Variants in RIOK3 observed in about 807,000 individuals in gnomAD.
RIOK3 encodes RIO kinase 3.
Under a neutral mutation model 63.5 loss-of-function variants are expected in RIOK3, and 40 were observed. That is an observed-to-expected ratio of 0.63 (90% CI 0.49 to 0.82). The LOEUF (loss-of-function observed/expected upper bound fraction) is 0.82, where lower values mean the gene tolerates loss of function less well. Ranked by LOEUF, RIOK3 falls within the 40% of genes least tolerant of loss-of-function variation. The pLI, the probability that RIOK3 is intolerant of heterozygous loss-of-function variation, is 0.00. For synonymous variants in RIOK3, 193 were observed against 205.0 expected (o/e 0.94, Z 0.50); for missense variants, 557 against 637.0 (o/e 0.87, Z 1.35).
At chr18:23,474,301 G>A (rs1234431927) in intron 8 of RIOK3, among the ~76,000 whole-genome samples, 1 of 152,090 alleles carries the variant, frequency 6.6e-6, no homozygotes, top group Non-Finnish European at 1.5e-5. Flanking sequence ...GCTGAGATGG[G>A]AGGACTGCTT....
intron 5 of RIOK3, among the ~76,000 whole-genome samples, chr18:23,465,184 C>T (rs1291318333): frequency 1.3e-5 from 2 of 152,038 alleles, no homozygotes; most frequent in East Asian, 3.9e-4. Flanking sequence ...CCAGCCTGAC[C>T]AACATGGAAA....
chr18:23,460,527 ATTG>A (rs1158309209), intron 1 of RIOK3, among the ~76,000 whole-genome samples: 4 of 152,172 alleles, frequency 2.6e-5, no homozygotes, highest in Non-Finnish European at 5.9e-5. Flanking sequence ...CAACTACTCA[ATTG>A]TTGTGTGATT....
Position 23,482,068 on chromosome 18 carries a change from A to G in RIOK3, c.*789A>G, listed in dbSNP as rs1160133078. 6.6e-6 allele frequency: 1 copy of G among 152,252 alleles called. No individual in the cohort carries two copies. Among genetic ancestry groups the G allele is most frequent in the South Asian group, 2.1e-4 (1 of 4,826 alleles). The allele number at this position is 152,252 out of a possible 1,614,324, so 9.4% of individuals were successfully genotyped here. On this transcript the variant is annotated 3_prime_UTR_variant, in exon 13 of 13. Coordinates refer to ENST00000339486, the MANE Select transcript of RIOK3 (RefSeq NM_003831.5). Reference sequence around the variant, plus strand: ...AATGTAAATTATCTGAAAGGACAGAATATAAGATTTAACCATGTTTGACGT... The same window carrying G: ...AATGTAAATTATCTGAAAGGACAGAGTATAAGATTTAACCATGTTTGACGT...
intron 1 of RIOK3, among the ~76,000 whole-genome samples, chr18:23,462,154 T>TC (rs1351059538): frequency 2.7e-5 from 4 of 148,348 alleles, no homozygotes; most frequent in Non-Finnish European, 6.0e-5. Flanking sequence ...TTTTTTTTTT[T>TC]TTTGGCAGGG....
intron 1 of RIOK3, 37 bp from the exon 2 acceptor site, chr18:23,462,927 A>G (rs768143230): frequency 2.9e-5 from 26 of 907,680 alleles, no homozygotes; most frequent in Non-Finnish European, 3.6e-5. Context: ...TTATTTCATT[A>G]TGATGAATTG....
At chr18:23,471,544 T>C (rs541528447) in intron 7 of RIOK3, among the ~76,000 whole-genome samples, 1 of 152,238 alleles carries the variant, frequency 6.6e-6, no homozygotes, top group South Asian at 2.1e-4. Context: ...GATTGCTGTG[T>C]GGAAAATGAA....
chr18:23,481,068 A>C, intron 12 of RIOK3, 104 bp from the exon 13 acceptor site: 1 of 753,154 alleles, frequency 1.3e-6, no homozygotes, highest in East Asian at 2.7e-5. Context: ...CGACAGAGTG[A>C]GACTCCATCT....
intron 6 of RIOK3, among the ~76,000 whole-genome samples, 174 bp downstream of exon 6, chr18:23,466,450 T>G (rs1598808245): frequency 6.6e-6 from 1 of 152,092 alleles, no homozygotes; most frequent in Non-Finnish European, 1.5e-5. Context: ...CCCACTACTT[T>G]GGGATAGCAG....
At position 23,458,214 on chromosome 18, in the gene RIOK3, A is replaced by T. The variant is rs985858094; in HGVS notation, c.63+4712A>T. 1.2e-4 allele frequency among the ~76,000 whole-genome samples: 18 copies of T among 151,874 alleles called. No homozygotes were observed. The East Asian group carries it at 3.5e-3, about 29-fold the overall frequency. ...GCCACTGCCCCCGGCTGCTGTTTTT[A>T]ATTTTACTTGATTCTTTACCCATAA... On this transcript the variant is annotated intron_variant, in intron 1 of 12. Coordinates refer to ENST00000339486, the MANE Select transcript of RIOK3 (RefSeq NM_003831.5).
intron 9 of RIOK3, among the ~76,000 whole-genome samples, chr18:23,475,496 G>A (rs1387517467): frequency 2.1e-5 from 3 of 143,750 alleles, no homozygotes; most frequent in African/African-American, 8.1e-5. Flanking sequence ...AATTAGCTGG[G>A]CACACACCTG....
chr18:23,481,441 AG>A lies in RIOK3; in HGVS notation c.*163del. The A allele has an allele frequency of 1.9e-6, 1 of 523,838 alleles. No homozygotes were observed. The highest frequency in any genetic ancestry group is 3.3e-6 in the Non-Finnish European group (1 of 298,976). 32.4% of individuals were successfully genotyped at this position (523,838 alleles called of 1,614,324 possible). ...CATGTGCCAGATGTGTGGAATTTTT[AG>A]CTCAGCATTGAGAGAATAAAATGTC... On this transcript the variant is annotated 3_prime_UTR_variant, in exon 13 of 13. Coordinates refer to ENST00000339486, the MANE Select transcript of RIOK3 (RefSeq NM_003831.5).
chr18:23,467,182 C>T (rs925169742), intron 6 of RIOK3, among the ~76,000 whole-genome samples: 3 of 151,728 alleles, frequency 2.0e-5, no homozygotes, highest in Non-Finnish European at 1.5e-5. Context: ...GGTGTGGTGG[C>T]GGGCGCCTGT....
intron 12 of RIOK3, 50 bp from the exon 13 acceptor site, chr18:23,481,122 C>T: frequency 7.6e-7 from 1 of 1,323,068 alleles, no homozygotes; most frequent in Non-Finnish European, 1.1e-6. Context: ...AATATGGTTT[C>T]TGTGAAAAGT....
At chr18:23,463,366 G>A in intron 2 of RIOK3, 1 of 206,422 alleles carries the variant, frequency 4.8e-6, no homozygotes, top group Non-Finnish European at 9.4e-6. Flanking sequence ...TCATGAATAT[G>A]TATCTATTCT....
Position 23,483,019 on chromosome 18 carries a change from T to A in RIOK3, c.*1740T>A, listed in dbSNP as rs1316774161. 1 of 152,218 alleles carries A rather than the reference T, an allele frequency of 6.6e-6. No homozygotes were observed. Among genetic ancestry groups the A allele is most frequent in the African/African-American group, 2.4e-5 (1 of 41,456 alleles). 9.4% of individuals were successfully genotyped at this position (152,218 alleles called of 1,614,324 possible). On this transcript the variant is annotated 3_prime_UTR_variant, in exon 13 of 13. Coordinates refer to ENST00000339486, the MANE Select transcript of RIOK3 (RefSeq NM_003831.5). The stretch of plus-strand genomic sequence containing the variant: ...TTTTAAAATCTTTAGCATTTAAAAC[T>A]TTTTTTGTTTTGTTTTCTGACATAT...
At chr18:23,459,225 G>A (rs1379137409) in intron 1 of RIOK3, among the ~76,000 whole-genome samples, 1 of 152,196 alleles carries the variant, frequency 6.6e-6, no homozygotes, top group African/African-American at 2.4e-5. Flanking sequence ...GATGGCAAAG[G>A]AGTTGAAACC....
chr18:23,465,816 G>GC (rs2057402944), intron 5 of RIOK3, among the ~76,000 whole-genome samples: 1 of 152,192 alleles, frequency 6.6e-6, no homozygotes. Context: ...ATTTGGTGTA[G>GC]CCTTCACAGT....
chr18:23,457,378 A>G (rs977763650), intron 1 of RIOK3, among the ~76,000 whole-genome samples: 1 of 152,210 alleles, frequency 6.6e-6, no homozygotes, highest in African/African-American at 2.4e-5. Flanking sequence ...AGTCTGAGAA[A>G]CTCAACAGCC....
chr18:23,473,758 T>C (rs2057471938), intron 8 of RIOK3, 132 bp downstream of exon 8: 1 of 649,382 alleles, frequency 1.5e-6, no homozygotes, highest in Admixed American at 3.7e-5. Context: ...CGATTCATAC[T>C]TTTAGGATGA....
Sources: allele counts gnomAD v4.1 joint callset (sites outside exome capture counted in the v4.1 genomes callset), GRCh38; gene constraint gnomAD v4.1.1; transcripts MANE v1.5; gene names NCBI Gene and HGNC (gene_info 2026-07-23, HGNC 2026-07-21).